Variants in EYA1 observed in about 807,000 individuals in gnomAD.
EYA1 encodes the protein EYA transcriptional coactivator and phosphatase 1, also known as protein phosphatase EYA1.
In EYA1, 16 loss-of-function variants were observed where a neutral mutation model predicts 82.0. That is an observed-to-expected ratio of 0.20 (90% confidence interval 0.13 to 0.30). The LOEUF (loss-of-function observed/expected upper bound fraction) is 0.30. Ranked by LOEUF, EYA1 falls within the 10% of genes least tolerant of loss-of-function variation. The pLI is 1.00. For synonymous variants in EYA1, 261 were observed against 264.4 expected (o/e 0.99, Z 0.12); for missense variants, 633 against 730.7 (o/e 0.87, Z 1.54).
intron 2 of EYA1, among the ~76,000 whole-genome samples, chr8:71,429,275 C>G (rs928072219): frequency 6.6e-6 from 1 of 152,078 alleles, no homozygotes; most frequent in Non-Finnish European, 1.5e-5. Context: ...CAGATTTTAA[C>G]TAATAAATTG....
At chr8:71,370,390 G>T (rs1350455620) in intron 2 of EYA1, among the ~76,000 whole-genome samples, 1 of 147,820 alleles carries the variant, frequency 6.8e-6, no homozygotes, top group Non-Finnish European at 1.5e-5. Context: ...TATGTGCCAG[G>T]TACTATGGGC....
chr8:71,271,846 T>A lies in EYA1; in HGVS notation c.878A>T (p.Asp293Val), dbSNP rs1410593568. The change falls in exon 10 of 18, where the codon GAT becomes GTT. Residue 293 changes from aspartate to valine, a missense_variant. Transcript: ENST00000340726. ...CCCATCTGAACCTCGACGCAATCGA[T>A]CAGAATCTGAATCTTTAATGGGTGT... ...PSTPIKDSDS[D>V]RLRRGSDGKS... is the part of the protein sequence containing the mutation. 6.2e-7 allele frequency: 1 copy of A among 1,614,068 alleles called. No homozygotes were observed. The highest frequency in any genetic ancestry group is 1.7e-5 in the Admixed American group (1 of 60,006).
chr8:71,389,108 G>A (rs1277552013), intron 2 of EYA1, among the ~76,000 whole-genome samples: 6 of 151,862 alleles, frequency 4.0e-5, no homozygotes, highest in African/African-American at 9.7e-5. Flanking sequence ...GAGAGAGAGG[G>A]AGAAAGAAAA....
intron 2 of EYA1, among the ~76,000 whole-genome samples, chr8:71,509,548 A>G (rs888944371): frequency 6.6e-6 from 1 of 152,158 alleles, no homozygotes; most frequent in African/African-American, 2.4e-5. Flanking sequence ...ACAAAGAAAA[A>G]TGTATTCTTT....
intron 3 of EYA1, among the ~76,000 whole-genome samples, chr8:71,344,833 C>A (rs1190032290): frequency 1.3e-5 from 2 of 152,220 alleles, no homozygotes; most frequent in African/African-American, 4.8e-5. Flanking sequence ...TCAATCATAT[C>A]AATGTGGGAA....
In EYA1 at chr8:71,241,100, C is replaced by G. The variant is rs148083128; in HGVS notation, c.1140+3503G>C. ...TACACTACGGAACTAAAGTCGAAAC[C>G]CTTCTCTTGGGGGGAAAATATTATT... On this transcript the variant is annotated intron_variant, in intron 12 of 17. Coordinates refer to ENST00000340726, the MANE Select transcript of EYA1 (RefSeq NM_000503.6). Among the ~76,000 whole-genome samples the G allele has an allele frequency of 5.2e-3, 797 of 152,264 alleles. 7 individuals are homozygous for G. Among genetic ancestry groups the G allele is most frequent in the African/African-American group, 0.018 (751 of 41,546 alleles).
At chr8:71,321,042 G>T (rs762340361) in intron 6 of EYA1, among the ~76,000 whole-genome samples, 1 of 152,084 alleles carries the variant, frequency 6.6e-6, no homozygotes, top group African/African-American at 2.4e-5. Flanking sequence ...TGGAAGAAAA[G>T]GTATTTTGAA....
intron 2 of EYA1, among the ~76,000 whole-genome samples, chr8:71,379,639 A>G (rs1228683345): frequency 2.0e-5 from 3 of 152,192 alleles, no homozygotes; most frequent in Non-Finnish European, 4.4e-5. Flanking sequence ...GCAATATTTT[A>G]ACAGACAACT....
chr8:71,394,836 T>C (rs1411658279), intron 2 of EYA1, among the ~76,000 whole-genome samples: 1 of 152,168 alleles, frequency 6.6e-6, no homozygotes, highest in Non-Finnish European at 1.5e-5. Flanking sequence ...AAGAAAGTCA[T>C]TGGTAGCTTG....
intron 16 of EYA1, among the ~76,000 whole-genome samples, chr8:71,213,246 G>A (rs1404849603): frequency 2.6e-5 from 4 of 151,614 alleles, no homozygotes; most frequent in Non-Finnish European, 1.5e-5. Flanking sequence ...GTAATTTCCT[G>A]TTATCATTTT....
chr8:71,233,802 T>C (rs112686301), intron 12 of EYA1, among the ~76,000 whole-genome samples: 1 of 152,332 alleles, frequency 6.6e-6, no homozygotes, highest in Middle Eastern at 3.4e-3. Context: ...CTTTTAAAAG[T>C]TAACTTTTCT....
chr8:71,356,727 G>T lies in EYA1; in HGVS notation c.-54-216C>A, dbSNP rs535331212. ...CTATCCTCCTCCTCCCCTTGTCAGGGGGGGAAGGCAGCCAAATGACGTGAT... is the reference window on the plus strand; with the variant it reads ...CTATCCTCCTCCTCCCCTTGTCAGGTGGGGAAGGCAGCCAAATGACGTGAT... On this transcript the variant is annotated intron_variant, in intron 1 of 17. Coordinates refer to ENST00000340726, the MANE Select transcript of EYA1 (RefSeq NM_000503.6). 10 of 1,228,848 alleles carry T rather than the reference G, an allele frequency of 8.1e-6. No individual in the cohort carries two copies. The South Asian group carries it at 2.4e-4, about 30-fold the overall frequency. The allele number at this position is 1,228,848 out of a possible 1,614,324, so 76.1% of individuals were successfully genotyped here. A position where few individuals can be genotyped will look rare whatever the true frequency, so the allele number is the denominator to read the frequency against.
intron 2 of EYA1, among the ~76,000 whole-genome samples, chr8:71,369,202 CAA>C (rs368382614): frequency 8.7e-5 from 5 of 57,654 alleles, no homozygotes; most frequent in Admixed American, 1.8e-4. Flanking sequence ...GACTCCGTCT[CAA>C]AAAAAAAAAA....
At chr8:71,434,511 A>G (rs1805862340) in intron 2 of EYA1, among the ~76,000 whole-genome samples, 1 of 152,208 alleles carries the variant, frequency 6.6e-6, no homozygotes, top group African/African-American at 2.4e-5. Flanking sequence ...GGTAAAAAAC[A>G]AGAAAAATAA....
chr8:71,245,159 G>T (rs966162158), intron 11 of EYA1, among the ~76,000 whole-genome samples: 9 of 152,054 alleles, frequency 5.9e-5, no homozygotes, highest in African/African-American at 2.2e-4. Flanking sequence ...GCTGCGTGCA[G>T]CCCAGTACGG....
chr8:71,383,598 G>C (rs1052235899), intron 2 of EYA1, among the ~76,000 whole-genome samples: 5 of 152,062 alleles, frequency 3.3e-5, no homozygotes, highest in African/African-American at 1.2e-4. Context: ...CAAGTTTAAG[G>C]ATGATACAGA....
At chr8:71,226,270 AT>A (rs1261107922) in intron 12 of EYA1, among the ~76,000 whole-genome samples, 2 of 152,128 alleles carry the variant, frequency 1.3e-5, no homozygotes, top group Non-Finnish European at 2.9e-5. Flanking sequence ...ATTAAAAAAA[AT>A]AAGACATCAT....
At chr8:71,463,803 G>T (rs577108852) in intron 2 of EYA1, among the ~76,000 whole-genome samples, 1 of 152,092 alleles carries the variant, frequency 6.6e-6, no homozygotes, top group South Asian at 2.1e-4. Context: ...CCCTTGGACC[G>T]TTGCTGAATT....
At chr8:71,234,609 C>T (rs1445411) in intron 12 of EYA1, among the ~76,000 whole-genome samples, 47,463 of 151,962 alleles carry the variant, frequency 0.31, 7,747 homozygotes, top group Non-Finnish European at 0.35. Flanking sequence ...TTTCCACCTA[C>T]CTTGTGGAAT....
Sources: gnomAD v4.1 joint callset for allele counts (sites outside exome capture counted in the v4.1 genomes callset) on GRCh38, gnomAD v4.1.1 for gene constraint, MANE v1.5 for transcripts, NCBI Gene and HGNC (gene_info 2026-07-23, HGNC 2026-07-21) for gene names.